ANO3: variants seen among roughly 807,000 people sequenced by gnomAD.
ANO3 encodes the protein anoctamin-3.
In ANO3, 99 loss-of-function variants were observed where a neutral mutation model predicts 144.8. The ratio of observed to expected loss-of-function variants is 0.68; its 90% confidence interval spans 0.58 to 0.81. The LOEUF (loss-of-function observed/expected upper bound fraction) is 0.81. Among genes scored for constraint, ANO3 ranks in the 30% least tolerant of loss-of-function variants. ANO3 has a pLI of 0.00. For synonymous variants in ANO3, 414 were observed against 392.6 expected (o/e 1.05, Z -0.64); for missense variants, 905 against 1,202.2 (o/e 0.75, Z 3.66).
chr11:26,311,493 T>C (rs1033101994), intron 1 of ANO3, among the ~76,000 whole-genome samples: 1 of 152,206 alleles, frequency 6.6e-6, no homozygotes, highest in Non-Finnish European at 1.5e-5. Context: ...ATTAGAATTG[T>C]TAGAAAGCAG....
At chr11:26,228,664 T>A (rs1162350376) in intron 1 of ANO3, among the ~76,000 whole-genome samples, 1 of 152,242 alleles carries the variant, frequency 6.6e-6, no homozygotes, top group Non-Finnish European at 1.5e-5. Flanking sequence ...AACATAATGG[T>A]CTGTCACTAT....
In ANO3 at chr11:26,641,757, A is replaced by AAT. The variant is rs146664066; in HGVS notation, c.2142-139_2142-138insAT. ...AATGTTTTTTTAACTTTTTTAAAAA[A>AAT]CTTTTATAAAAGGTAAAACCAAATA... On this transcript the variant is annotated intron_variant, in intron 21 of 26. Transcript: ENST00000256737. 6 of 880,698 alleles carry AAT rather than the reference A, an allele frequency of 6.8e-6. No individual in the cohort carries two copies. In the East Asian group the frequency reaches 9.5e-5, roughly 14 times the overall value. 54.6% of individuals were successfully genotyped at this position (880,698 alleles called of 1,614,324 possible). A position where few individuals can be genotyped will look rare whatever the true frequency, so the allele number is the denominator to read the frequency against.
At chr11:26,344,519 C>T (rs1855451145) in intron 1 of ANO3, among the ~76,000 whole-genome samples, 1 of 152,000 alleles carries the variant, frequency 6.6e-6, no homozygotes, top group Non-Finnish European at 1.5e-5. Context: ...GCGCCTGCCA[C>T]CATGCCGGCT....
chr11:26,209,763 G>A (rs1851893541), intron 1 of ANO3, among the ~76,000 whole-genome samples: 1 of 152,044 alleles, frequency 6.6e-6, no homozygotes, highest in Non-Finnish European at 1.5e-5. Context: ...TTTTTTTCGT[G>A]TTTGTTGGCC....
rs114500569 is a variant in ANO3 at position 26,525,522 on chromosome 11, A to G, written c.693-113A>G. On this transcript the variant is annotated intron_variant, in intron 6 of 26. Coordinates refer to ENST00000256737, the MANE Select transcript of ANO3 (RefSeq NM_031418.4). ...TTATTTCAAACATCTTAAGTTTCTT[A>G]AGCATACGGAACTTGGAGTATAGAA... is the stretch of plus-strand genomic sequence containing the variant. 2.3e-3 allele frequency: 1,731 copies of G among 758,452 alleles called. 14 individuals carry two copies. The African/African-American group carries it at 0.025, about 11-fold the overall frequency. 47.0% of individuals were successfully genotyped at this position (758,452 alleles called of 1,614,324 possible). A position where few individuals can be genotyped will look rare whatever the true frequency, so the allele number is the denominator to read the frequency against.
chr11:26,262,155 G>A (rs12226840), intron 1 of ANO3, among the ~76,000 whole-genome samples: 10 of 152,070 alleles, frequency 6.6e-5, no homozygotes, highest in South Asian at 2.1e-4. Flanking sequence ...CCCAGCTTAC[G>A]TTTAGAACAT....
intron 14 of ANO3, among the ~76,000 whole-genome samples, chr11:26,594,287 C>T (rs533136418): frequency 6.6e-6 from 1 of 152,336 alleles, no homozygotes; most frequent in South Asian, 2.1e-4. Context: ...TGTGGGGAAT[C>T]ATTCTCTTTC....
intron 4 of ANO3, among the ~76,000 whole-genome samples, chr11:26,474,318 CTG>C (rs1413209129): frequency 6.6e-6 from 1 of 151,492 alleles, no homozygotes; most frequent in East Asian, 1.9e-4. Flanking sequence ...TTTAAAATAT[CTG>C]TGTTTATCTT....
intron 5 of ANO3, among the ~76,000 whole-genome samples, chr11:26,510,039 C>T (rs942891414): frequency 6.8e-6 from 1 of 147,746 alleles, no homozygotes; most frequent in Non-Finnish European, 1.5e-5. Flanking sequence ...GAGGCTGAGG[C>T]AGGAGAATCA....
At chr11:26,631,951 A>G (rs1852794803) in intron 18 of ANO3, among the ~76,000 whole-genome samples, 1 of 152,078 alleles carries the variant, frequency 6.6e-6, no homozygotes, top group Non-Finnish European at 1.5e-5. Flanking sequence ...AGGCCGAGGC[A>G]GCCAGATCAC....
chr11:26,435,140 G>A (rs1031396733), intron 1 of ANO3, among the ~76,000 whole-genome samples: 1 of 152,158 alleles, frequency 6.6e-6, no homozygotes, highest in Non-Finnish European at 1.5e-5. Flanking sequence ...TTTAGGTCTT[G>A]TGGAATTGAA....
chr11:26,194,936 A>T (rs914122625), intron 1 of ANO3, among the ~76,000 whole-genome samples: 7 of 152,240 alleles, frequency 4.6e-5, no homozygotes, highest in African/African-American at 1.7e-4. Flanking sequence ...ATCACATCAT[A>T]GTAAAGAGAT....
At chr11:26,348,640 A>C (rs938061656) in intron 1 of ANO3, among the ~76,000 whole-genome samples, 4 of 152,252 alleles carry the variant, frequency 2.6e-5, no homozygotes, top group African/African-American at 9.6e-5. Context: ...TTAACCCCTC[A>C]GACTTCTTGA....
At chr11:26,277,589 C>T (rs189987775) in intron 1 of ANO3, among the ~76,000 whole-genome samples, 21 of 152,102 alleles carry the variant, frequency 1.4e-4, no homozygotes, top group Admixed American at 9.8e-4. Flanking sequence ...AATTGAACTG[C>T]GCTAACCTAG....
At chr11:26,335,760 T>C (rs1018775430) in intron 1 of ANO3, among the ~76,000 whole-genome samples, 2 of 152,218 alleles carry the variant, frequency 1.3e-5, no homozygotes, top group African/African-American at 4.8e-5. Flanking sequence ...CTTAAAGGAC[T>C]TGCTACTATA....
intron 5 of ANO3, among the ~76,000 whole-genome samples, chr11:26,511,463 A>G (rs1407588918): frequency 6.6e-6 from 1 of 152,214 alleles, no homozygotes; most frequent in Non-Finnish European, 1.5e-5. Flanking sequence ...TAATACTTGC[A>G]CAACTGAGAG....
At chr11:26,200,487 T>C (rs1193715666) in intron 1 of ANO3, among the ~76,000 whole-genome samples, 1 of 152,192 alleles carries the variant, frequency 6.6e-6, no homozygotes, top group Non-Finnish European at 1.5e-5. Flanking sequence ...TTTGTTGTAA[T>C]ATATTTATTT....
In ANO3 at chr11:26,463,167, T is replaced by C. The variant is rs776975998; in HGVS notation, c.432+19T>C. On this transcript the variant is annotated intron_variant, in intron 4 of 26. Transcript: ENST00000256737. Reference sequence around the variant, plus strand: ...ATCTAAGGTAATGAGAACTAAATTATCAATAAGTCATTTTTAGAGCATCAT... The same window carrying C: ...ATCTAAGGTAATGAGAACTAAATTACCAATAAGTCATTTTTAGAGCATCAT... The C allele has an allele frequency of 1.6e-5, 20 of 1,282,958 alleles. No individual in the cohort carries two copies. Among genetic ancestry groups the C allele is most frequent in the Middle Eastern group, 1.9e-4 (1 of 5,180 alleles). The allele number at this position is 1,282,958 out of a possible 1,614,324, so 79.5% of individuals were successfully genotyped here.
intron 1 of ANO3, among the ~76,000 whole-genome samples, chr11:26,359,011 T>C (rs1855856453): frequency 6.6e-6 from 1 of 152,214 alleles, no homozygotes. Context: ...TTAATGTCTT[T>C]ATGTGTTCAT....
Sources: gnomAD v4.1 joint callset for allele counts (sites outside exome capture counted in the v4.1 genomes callset) on GRCh38, gnomAD v4.1.1 for gene constraint, MANE v1.5 for transcripts, NCBI Gene and HGNC (gene_info 2026-07-23, HGNC 2026-07-21) for gene names.